Variants in VARS1 observed in about 807,000 individuals in gnomAD.
VARS1 encodes valine--tRNA ligase.
In VARS1, 92 loss-of-function variants were observed where a neutral mutation model predicts 161.0. That is an observed-to-expected ratio of 0.57 (90% confidence interval 0.48 to 0.68). The LOEUF (loss-of-function observed/expected upper bound fraction) is 0.68. Among genes scored for constraint, VARS1 ranks in the 30% least tolerant of loss-of-function variants. The pLI is 0.00. For missense variants in VARS1, 1,338 were observed against 1,695.9 expected, an observed-to-expected ratio of 0.79 and a Z score of 3.71; for synonymous variants, 595 against 682.5, an observed-to-expected ratio of 0.87 and a Z score of 2.00.
chr6:31,787,062 C>CAAAAAA (rs70990276), intron 8 of VARS1, among the ~76,000 whole-genome samples: 1 of 70,864 alleles, frequency 1.4e-5, no homozygotes, highest in African/African-American at 5.5e-5. Flanking sequence ...CTAGTCTCTG[C>CAAAAAA]AAAAAAAAAA....
At chr6:31,793,951 A>G (rs1190201846) in intron 2 of VARS1, among the ~76,000 whole-genome samples, 1 of 151,984 alleles carries the variant, frequency 6.6e-6, no homozygotes, top group African/African-American at 2.4e-5. Flanking sequence ...AAAAATACAA[A>G]AAATTAGCCG....
rs762046873 is a variant in VARS1 at position 31,779,761 on chromosome 6, G to A, written c.3135C>T (p.Ala1045=). ...CCAGGCAAGTGTACAGGGTCTGGCG[G>A]GCACACTCAGCTGCCACCTGGTCCA... ...NGVDQVAAEC[A]RQTLYTCLDV... Residue 1045 remains alanine (A), a synonymous_variant, in exon 27 of 30, where the codon GCC becomes GCT. Transcript: ENST00000375663. The surrounding 1 kb of genome is among the most constrained non-coding windows in gnomAD (Gnocchi z 9.1). 6 of 1,612,920 alleles carry A rather than the reference G, an allele frequency of 3.7e-6. No homozygotes were observed. The Admixed American group carries it at 1.0e-4, about 27-fold the overall frequency.
rs538472449 is a variant in VARS1 at position 31,778,134 on chromosome 6, C to CCAG, written c.3727-475_3727-473dup. The stretch of plus-strand genomic sequence containing the variant: ...CTCCACTGCTTCTCTCTGGCGGAAC[C>CCAG]CAGGAGGCAGGGGACAAACAAGACT... On this transcript the variant is annotated intron_variant, in intron 29 of 29. Coordinates refer to ENST00000375663, the MANE Select transcript of VARS1 (RefSeq NM_006295.3). This position sits in a 1 kb window ranked among gnomAD's most constrained non-coding sequence, Gnocchi z 5.1. 1.4e-4 allele frequency: 23 copies of CCAG among 164,420 alleles called. 1 individual carries two copies. In the South Asian group the frequency reaches 3.4e-3, roughly 24 times the overall value. 10.2% of individuals were successfully genotyped at this position (164,420 alleles called of 1,614,324 possible).
chr6:31,792,464 T>C lies in VARS1; in HGVS notation c.714A>G (p.Ala238=), dbSNP rs747338626. ...ATTTCTCTAGCTTCTCCCGTTTCTT[T>C]GCCTCTTTCTTGAGCTGAGCAGCTG... is the stretch of plus-strand genomic sequence containing the variant. ...PKTAAQLKKE[A]KKREKLEKFQ... is the part of the protein sequence containing the mutation. Residue 238 remains alanine, a synonymous_variant, in exon 5 of 30, where the codon GCA becomes GCG. Coordinates refer to ENST00000375663, the MANE Select transcript of VARS1 (RefSeq NM_006295.3). The C allele has an allele frequency of 6.2e-7, 1 of 1,613,982 alleles. No individual in the cohort carries two copies. The highest frequency in any genetic ancestry group is 8.5e-7 in the Non-Finnish European group (1 of 1,179,980).
At position 31,780,977 on chromosome 6, in the gene VARS1, C is replaced by T. The variant is rs1455288520; in HGVS notation, c.2650-39G>A. 5.6e-6 allele frequency: 9 copies of T among 1,613,982 alleles called. No individual in the cohort carries two copies. Among genetic ancestry groups the T allele is most frequent in the Non-Finnish European group, 7.6e-6 (9 of 1,180,020 alleles). On this transcript the variant is annotated intron_variant, in intron 22 of 29. Coordinates refer to ENST00000375663, the MANE Select transcript of VARS1 (RefSeq NM_006295.3). This position sits in a 1 kb window ranked among gnomAD's most constrained non-coding sequence, Gnocchi z 5.1. ...GGGAGCAGTCAGGTGGCTGTGACCA[C>T]AGCCCCACGGCCCTTCCTGGCTGGC...
At chr6:31,792,653 G>T in intron 4 of VARS1, 104 bp downstream of exon 4, 1 of 1,594,660 alleles carries the variant, frequency 6.3e-7, no homozygotes, top group Non-Finnish European at 8.5e-7. Flanking sequence ...CTCTCCCGCA[G>T]GACCCTGCCC....
intron 8 of VARS1, among the ~76,000 whole-genome samples, chr6:31,788,168 C>A (rs546702166): frequency 2.4e-4 from 37 of 151,520 alleles, no homozygotes; most frequent in African/African-American, 6.3e-4. Flanking sequence ...AACGCAAACA[C>A]AAACGCAAAC....
In VARS1 at chr6:31,782,552, G is replaced by T; in HGVS notation, c.1969C>A (p.Pro657Thr). Residue 657 changes from proline to threonine, a missense_variant, in exon 16 of 30, where the codon CCC (proline) becomes ACC (threonine). Around this residue, in one of 3 missense-constraint regions of VARS1, gnomAD observed 902 missense variants for 1,090.3 expected, o/e 0.83. Transcript: ENST00000375663. This position sits in a 1 kb window ranked among gnomAD's most constrained non-coding sequence, Gnocchi z 8.3. ...CACTTGCAAAGTGGCACCACCATGG[G>T]GTTGTCCTCAATGCCACGGAACAGT... ...RGLFRGIEDN[P>T]MVVPLCNRSK... 6.2e-7 allele frequency: 1 copy of T among 1,613,026 alleles called. No individual in the cohort carries two copies. The highest frequency in any genetic ancestry group is 8.5e-7 in the Non-Finnish European group (1 of 1,180,034).
Position 31,782,457 on chromosome 6 carries a change from T to C in VARS1, c.1992-14A>G. The C allele has an allele frequency of 8.7e-6, 14 of 1,612,088 alleles. No individual in the cohort carries two copies. The highest frequency in any genetic ancestry group is 1.2e-5 in the Non-Finnish European group (14 of 1,179,470). On this transcript the variant is annotated splice_polypyrimidine_tract_variant and intron_variant, in intron 16 of 29. Coordinates refer to ENST00000375663, the MANE Select transcript of VARS1 (RefSeq NM_006295.3). The surrounding 1 kb of genome is among the most constrained non-coding windows in gnomAD (Gnocchi z 8.3). Reference sequence around the variant, plus strand: ...TCCTTCGACCGGCTGGGGGTACACGTAGGTGAGAAGGCCAGGCGGTAAAAC... The same window carrying C: ...TCCTTCGACCGGCTGGGGGTACACGCAGGTGAGAAGGCCAGGCGGTAAAAC...
At position 31,780,576 on chromosome 6, in the gene VARS1, G is replaced by A. The variant is rs547163114; in HGVS notation, c.2798-8C>T. ...CCAGGTTGATGTCACGACCTGGGTC[G>A]GGGGTGAGATGTGAGTCCTCATCAC... On this transcript the variant is annotated splice_region_variant and splice_polypyrimidine_tract_variant and intron_variant, in intron 24 of 29. Transcript: ENST00000375663. This position sits in a 1 kb window ranked among gnomAD's most constrained non-coding sequence, Gnocchi z 5.1. 1.1e-5 allele frequency: 18 copies of A among 1,613,090 alleles called. No individual in the cohort carries two copies. In the East Asian group the frequency reaches 1.6e-4, roughly 14 times the overall value.
Position 31,778,602 on chromosome 6 carries a change from C to T in VARS1, c.3726+365G>A, listed in dbSNP as rs554771420. Among the ~76,000 whole-genome samples the T allele has an allele frequency of 1.3e-5, 2 of 152,232 alleles. No individual in the cohort carries two copies. The highest frequency in any genetic ancestry group is 4.1e-4 in the South Asian group (2 of 4,820). ...TCGGCTCACTGCAGTCTTGACCTCC[C>T]AGGCTCAAGCAATCCGCCCACCTCA... On this transcript the variant is annotated intron_variant, in intron 29 of 29. Coordinates refer to ENST00000375663, the MANE Select transcript of VARS1 (RefSeq NM_006295.3). The surrounding 1 kb of genome is among the most constrained non-coding windows in gnomAD (Gnocchi z 5.1).
In VARS1 at chr6:31,779,164, C is replaced by T. The variant is rs756380009; in HGVS notation, c.3529G>A (p.Ala1177Thr). Residue 1177 changes from alanine to threonine, a missense_variant, in exon 29 of 30, where the codon GCT (alanine) becomes ACT (threonine). By Grantham distance (58) the Ala-to-Thr change is moderately conservative. Transcript: ENST00000375663. The surrounding 1 kb of genome is among the most constrained non-coding windows in gnomAD (Gnocchi z 9.1). ...CAGCGATCAGAAGCCAGAGCCACAGCGCAACCCTGGGGGGCGGGAGCCCCC... is the reference window on the plus strand; with the variant it reads ...CAGCGATCAGAAGCCAGAGCCACAGTGCAACCCTGGGGGGCGGGAGCCCCC... Reference protein sequence around the residue: ...ALGAPAPQGCAVALASDRCSI... With the variant: ...ALGAPAPQGCTVALASDRCSI... The T allele has an allele frequency of 2.7e-5, 43 of 1,604,952 alleles. No individual in the cohort carries two copies. Among genetic ancestry groups the T allele is most frequent in the Admixed American group, 3.4e-5 (2 of 58,316 alleles).
rs1437728667 is a variant in VARS1, at chr6:31,784,320, G to A, written c.1577-12C>T. 1.9e-6 allele frequency: 3 copies of A among 1,614,064 alleles called. No individual in the cohort carries two copies. The African/African-American group carries it at 4.0e-5, about 22-fold the overall frequency. ...CTCCTCGTCGCTATCTGGGGTGACA[G>A]AAGGCCTTGTGGTCTTGGCCTTGGC... On this transcript the variant is annotated splice_polypyrimidine_tract_variant and intron_variant, in intron 12 of 29. Transcript: ENST00000375663. The surrounding 1 kb of genome is among the most constrained non-coding windows in gnomAD (Gnocchi z 6.1).
chr6:31,788,810 AAATAAT>A (rs961710578), intron 8 of VARS1, among the ~76,000 whole-genome samples: 1 of 151,558 alleles, frequency 6.6e-6, no homozygotes, highest in Non-Finnish European at 1.5e-5. Context: ...CTCTGTCTCA[AAATAAT>A]AATAATAATA....
At chr6:31,794,002 G>T (rs1814078327) in intron 2 of VARS1, among the ~76,000 whole-genome samples, 1 of 150,960 alleles carries the variant, frequency 6.6e-6, no homozygotes, top group Non-Finnish European at 1.5e-5. Flanking sequence ...TACTCAGAAG[G>T]CTGAGGCAGG....
chr6:31,786,665 C>CAA (rs9279417), intron 8 of VARS1, among the ~76,000 whole-genome samples: 733 of 31,616 alleles, frequency 0.023, 94 homozygotes, highest in Non-Finnish European at 0.034. Flanking sequence ...GACTCTGTCT[C>CAA]AAAAAAAAAA....
chr6:31,792,691 A>C, intron 4 of VARS1, 66 bp downstream of exon 4: 1 of 1,601,762 alleles, frequency 6.2e-7, no homozygotes, highest in Non-Finnish European at 8.5e-7. Flanking sequence ...CTAGGAAAAA[A>C]AGAAAGTGAG....
Position 31,780,212 on chromosome 6 carries a change from G to C in VARS1, c.2926-59C>G. On this transcript the variant is annotated intron_variant, in intron 25 of 29. Transcript: ENST00000375663. This position sits in a 1 kb window ranked among gnomAD's most constrained non-coding sequence, Gnocchi z 5.1. Reference sequence around the variant, plus strand: ...AGGGGAGGGTGCCAGAACCCCATGGGGGCAGGAGTCATGGGCAAATCTTCA... The same window carrying C: ...AGGGGAGGGTGCCAGAACCCCATGGCGGCAGGAGTCATGGGCAAATCTTCA... 2 of 1,599,542 alleles carry C rather than the reference G, an allele frequency of 1.3e-6. No individual in the cohort carries two copies. The highest frequency in any genetic ancestry group is 1.7e-6 in the Non-Finnish European group (2 of 1,174,690).
chr6:31,793,192 T>C (rs1764819995), intron 2 of VARS1, 72 bp from the exon 3 acceptor site: 8 of 1,515,748 alleles, frequency 5.3e-6, no homozygotes, highest in African/African-American at 1.4e-5. Context: ...CCAATCCATG[T>C]GGCCTCCCTC....
Sources: gnomAD v4.1 joint callset for allele counts (sites outside exome capture counted in the v4.1 genomes callset) on GRCh38, gnomAD v4.1.1 for gene constraint, gnomAD v4.1.1 regional missense constraint, Gnocchi (gnomAD v3.1) non-coding constraint, MANE v1.5 for transcripts, NCBI Gene and HGNC (gene_info 2026-07-23, HGNC 2026-07-21) for gene names.